Variants in LYZL4 observed in about 807,000 individuals in gnomAD.
LYZL4 encodes the protein lysozyme-like protein 4.
A neutral mutation model predicts 17.6 loss-of-function variants in LYZL4; 13 were observed. The ratio of observed to expected loss-of-function variants is 0.74; its 90% confidence interval spans 0.48 to 1.18. The LOEUF (loss-of-function observed/expected upper bound fraction) is 1.18, where lower values mean the gene tolerates loss of function less well. Among genes scored for constraint, LYZL4 ranks in the 50% most tolerant of loss-of-function variants. LYZL4 has a pLI of 0.00. For synonymous variants in LYZL4, 64 were observed against 67.7 expected, an observed-to-expected ratio of 0.95 and a Z score of 0.27; for missense variants, 174 against 188.2, an observed-to-expected ratio of 0.92 and a Z score of 0.44.
chr3:42,383,221 C>A, the LYZL4 span, among the ~76,000 whole-genome samples: 1 of 152,138 alleles, frequency 6.6e-6, no homozygotes, highest in Non-Finnish European at 1.5e-5. Context: ...CCAGCCTACT[C>A]CTCAACCTTC....
At chr3:42,364,131 G>A in the LYZL4 span, among the ~76,000 whole-genome samples, 78 of 152,152 alleles carry the variant, frequency 5.1e-4, 1 homozygote, top group Non-Finnish European at 7.6e-4. Flanking sequence ...AGTCATGGGA[G>A]AGCTTCTCAT....
downstream of LYZL4, among the ~76,000 whole-genome samples, chr3:42,395,671 A>G (rs1471710559): frequency 6.6e-6 from 1 of 152,124 alleles, no homozygotes. Flanking sequence ...TTCATTAAAT[A>G]TATGTTGTTG....
chr3:42,361,867 C>T, the LYZL4 span, among the ~76,000 whole-genome samples: 17,030 of 152,162 alleles, frequency 0.11, 2,265 homozygotes, highest in African/African-American at 0.32. Context: ...CAACCTCCCA[C>T]ACCAGAGTGG....
At chr3:42,361,555 C>T in the LYZL4 span, among the ~76,000 whole-genome samples, 4 of 149,624 alleles carry the variant, frequency 2.7e-5, no homozygotes, top group African/African-American at 1.0e-4. Context: ...GGTGAAACCC[C>T]ATCTCTTAAA....
the LYZL4 span, among the ~76,000 whole-genome samples, chr3:42,378,095 T>C: frequency 6.6e-6 from 1 of 152,204 alleles, no homozygotes; most frequent in Non-Finnish European, 1.5e-5. Flanking sequence ...TCATGAGCTG[T>C]TCCCAGGGGA....
intron 4 of LYZL4, among the ~76,000 whole-genome samples, chr3:42,402,198 C>T (rs1377374131): frequency 2.7e-5 from 4 of 150,266 alleles, no homozygotes; most frequent in East Asian, 3.9e-4. Flanking sequence ...CCTCACTACT[C>T]GGGAGGCTGA....
the LYZL4 span, among the ~76,000 whole-genome samples, chr3:42,386,576 C>A: frequency 1.3e-5 from 2 of 152,078 alleles, no homozygotes; most frequent in Non-Finnish European, 2.9e-5. Context: ...ACATGTATAT[C>A]TTTGCAGAGC....
downstream of LYZL4, among the ~76,000 whole-genome samples, chr3:42,394,323 A>T (rs909698974): frequency 3.3e-5 from 5 of 152,220 alleles, no homozygotes; most frequent in African/African-American, 1.2e-4. Context: ...TAGAAAATTA[A>T]TACCAATATA....
chr3:42,403,955 C>G, intron 4 of LYZL4, 91 bp downstream of exon 4: 1 of 921,194 alleles, frequency 1.1e-6, no homozygotes, highest in Non-Finnish European at 1.7e-6. Context: ...TGGCACTGCA[C>G]GTGCGCAACA....
chr3:42,392,704 A>G (rs990551172), downstream of LYZL4, among the ~76,000 whole-genome samples: 3 of 152,126 alleles, frequency 2.0e-5, no homozygotes, highest in African/African-American at 7.2e-5. Flanking sequence ...AAGTGAGGAC[A>G]TGAGGTGAGA....
At chr3:42,405,242 G>T (rs1334163857) in intron 3 of LYZL4, among the ~76,000 whole-genome samples, 4 of 152,136 alleles carry the variant, frequency 2.6e-5, no homozygotes, top group Admixed American at 1.3e-4. Context: ...TAGAGACGGG[G>T]TTTCACCGTG....
the LYZL4 span, among the ~76,000 whole-genome samples, chr3:42,380,393 A>G: frequency 5.3e-5 from 8 of 152,222 alleles, no homozygotes; most frequent in African/African-American, 1.7e-4. Context: ...CTAAAGGGCC[A>G]TGGAGTAAAT....
intron 1 of LYZL4, among the ~76,000 whole-genome samples, 191 bp downstream of exon 1, chr3:42,410,226 A>G (rs1378758188): frequency 6.6e-6 from 1 of 152,238 alleles, no homozygotes; most frequent in Non-Finnish European, 1.5e-5. Flanking sequence ...CATTATCCCC[A>G]GAACTCAGAA....
At chr3:42,404,989 C>T (rs1460129087) in intron 3 of LYZL4, among the ~76,000 whole-genome samples, 3 of 152,216 alleles carry the variant, frequency 2.0e-5, no homozygotes, top group African/African-American at 7.2e-5. Flanking sequence ...TCACAGAAAC[C>T]GTAAGTGGTT....
chr3:42,366,871 C>A, the LYZL4 span, among the ~76,000 whole-genome samples: 1 of 152,198 alleles, frequency 6.6e-6, no homozygotes, highest in Non-Finnish European at 1.5e-5. Flanking sequence ...AACCTATGAA[C>A]AACCCACACT....
the LYZL4 span, among the ~76,000 whole-genome samples, chr3:42,390,720 A>T: frequency 6.6e-6 from 1 of 152,188 alleles, no homozygotes; most frequent in African/African-American, 2.4e-5. Flanking sequence ...TTGTTATGGT[A>T]TCTGCATAGC....
At chr3:42,374,067 T>C in the LYZL4 span, among the ~76,000 whole-genome samples, 1 of 152,202 alleles carries the variant, frequency 6.6e-6, no homozygotes, top group African/African-American at 2.4e-5. Context: ...GTTTATAAAT[T>C]TACTGATAAT....
At chr3:42,370,242 A>G in the LYZL4 span, among the ~76,000 whole-genome samples, 2 of 152,152 alleles carry the variant, frequency 1.3e-5, no homozygotes, top group African/African-American at 4.8e-5. Flanking sequence ...TAGTAGTTAC[A>G]GCATTTTCCC....
chr3:42,361,666 G>A, the LYZL4 span, among the ~76,000 whole-genome samples: 1 of 151,982 alleles, frequency 6.6e-6, no homozygotes, highest in Non-Finnish European at 1.5e-5. Context: ...GGAGGTTGAA[G>A]CTGTAGTGAG....
Sources: allele counts gnomAD v4.1 joint callset (sites outside exome capture counted in the v4.1 genomes callset), GRCh38; gene constraint gnomAD v4.1.1; transcripts MANE v1.5; gene names NCBI Gene and HGNC (gene_info 2026-07-23, HGNC 2026-07-21).